MYCBP2: variants seen among roughly 807,000 people sequenced by gnomAD.
MYCBP2 encodes MYC binding protein 2.
In MYCBP2, 120 loss-of-function variants were observed where a neutral mutation model predicts 525.3. The ratio of observed to expected loss-of-function variants is 0.23; its 90% CI spans 0.20 to 0.27. The LOEUF (loss-of-function observed/expected upper bound fraction) is 0.27. Among genes scored for constraint, MYCBP2 ranks in the 10% least tolerant of loss-of-function variants. The probability of loss-of-function intolerance (pLI) is 1.00; values close to 1 mark genes in which losing one functional copy is unlikely to be tolerated. For missense variants in MYCBP2, 4,149 were observed against 5,657.1 expected (o/e 0.73, Z 8.55); for synonymous variants, 1,894 against 1,955.8 (o/e 0.97, Z 0.83).
intron 55 of MYCBP2, among the ~76,000 whole-genome samples, chr13:77,110,950 C>T (rs1007238409): frequency 1.3e-5 from 2 of 152,074 alleles, no homozygotes; most frequent in Non-Finnish European, 2.9e-5. Flanking sequence ...ATAACGGCTG[C>T]TGCTGATGCA....
At position 77,068,634 on chromosome 13, in the gene MYCBP2, A is replaced by G; in HGVS notation, c.12102T>C (p.Ala4034=). ...GATCCTGAAGCAGGGTTAGCTGTTG[A>G]GCCAGATATTGCCGGCCAACGTTAG... ...SGSNVGRQYL[A]QQLTLLQDLF... Residue 4034 remains alanine (A), a synonymous_variant, in exon 70 of 83, where the codon GCT becomes GCC. Coordinates refer to ENST00000544440, the MANE Select transcript of MYCBP2 (RefSeq NM_015057.5). The G allele has an allele frequency of 6.2e-7, 1 of 1,614,196 alleles. No homozygotes were observed. The highest frequency in any genetic ancestry group is 8.5e-7 in the Non-Finnish European group (1 of 1,180,030).
chr13:77,156,045 C>T lies in MYCBP2; in HGVS notation c.6915+13G>A, dbSNP rs1213979846. On this transcript the variant is annotated intron_variant, in intron 46 of 82. Transcript: ENST00000544440. ...TATATAGATGTCTGCTAATTTAATC[C>T]AGTTATAATTACCTTCATATTGGGA... 3.1e-6 allele frequency: 5 copies of T among 1,605,434 alleles called. No homozygotes were observed. The highest frequency in any genetic ancestry group is 4.3e-6 in the Non-Finnish European group (5 of 1,175,296).
chr13:77,192,677 G>GT (rs1254645895), intron 27 of MYCBP2, among the ~76,000 whole-genome samples: 2 of 152,168 alleles, frequency 1.3e-5, no homozygotes, highest in African/African-American at 4.8e-5. Flanking sequence ...AAGAGTAGTG[G>GT]TAGAAAGTCA....
chr13:77,167,297 TA>T (rs1431613436), intron 40 of MYCBP2, among the ~76,000 whole-genome samples: 3 of 152,130 alleles, frequency 2.0e-5, no homozygotes, highest in Non-Finnish European at 4.4e-5. Flanking sequence ...AAAAAATGGT[TA>T]GTTCCAAGTC....
intron 2 of MYCBP2, among the ~76,000 whole-genome samples, chr13:77,293,719 G>A (rs938715316): frequency 6.6e-6 from 1 of 152,048 alleles, no homozygotes; most frequent in Admixed American, 6.5e-5. Flanking sequence ...CAGTGATGCC[G>A]CATGAGAAAA....
intron 23 of MYCBP2, among the ~76,000 whole-genome samples, chr13:77,209,367 C>T (rs1295878577): frequency 6.6e-6 from 1 of 152,150 alleles, no homozygotes; most frequent in Non-Finnish European, 1.5e-5. Context: ...TTCCACACTG[C>T]CAATTTTTAT....
intron 82 of MYCBP2, 75 bp downstream of exon 82, chr13:77,050,922 G>C (rs967435215): frequency 7.7e-7 from 1 of 1,291,344 alleles, no homozygotes. Flanking sequence ...ACTTGAAACA[G>C]AGCTTTCATA....
chr13:77,188,908 A>C (rs1230939452), intron 30 of MYCBP2, 43 bp downstream of exon 30: 3 of 1,320,758 alleles, frequency 2.3e-6, no homozygotes, highest in Non-Finnish European at 3.2e-6. Flanking sequence ...AATGTATCTG[A>C]GGACTGAAGA....
chr13:77,088,868 G>A lies in MYCBP2; in HGVS notation c.10689C>T (p.Ala3563=), dbSNP rs746434809. The change falls in exon 61 of 83, where the codon GCC becomes GCT. Residue 3563 remains alanine, a synonymous_variant. Coordinates refer to ENST00000544440, the MANE Select transcript of MYCBP2 (RefSeq NM_015057.5). ...AAACTCGACAAGCAGATTTCCTTAGGGCCTGTTTCATTGCTATTTCAAGAC... is the reference window on the plus strand; with the variant it reads ...AAACTCGACAAGCAGATTTCCTTAGAGCCTGTTTCATTGCTATTTCAAGAC... ...LEGLEIAMKQ[A]LRKSACRVFA... is the part of the protein sequence containing the mutation. The A allele has an allele frequency of 1.9e-6, 3 of 1,612,458 alleles. No homozygotes were observed. In the East Asian group the frequency reaches 6.7e-5, roughly 36 times the overall value.
At chr13:77,258,278 A>AT (rs1325020391) in intron 13 of MYCBP2, among the ~76,000 whole-genome samples, 2 of 152,188 alleles carry the variant, frequency 1.3e-5, no homozygotes, top group Non-Finnish European at 2.9e-5. Flanking sequence ...TCAAAACAGT[A>AT]TTTTTTAATC....
rs137885458 is a variant in MYCBP2, at chr13:77,048,008, C to T, written c.13922-2515G>A. Among the ~76,000 whole-genome samples the T allele has an allele frequency of 7.2e-5, 11 of 152,206 alleles. No individual in the cohort carries two copies. The East Asian group carries it at 9.7e-4, about 13-fold the overall frequency. On this transcript the variant is annotated intron_variant, in intron 82 of 82. Coordinates refer to ENST00000544440, the MANE Select transcript of MYCBP2 (RefSeq NM_015057.5). ...CTAACCTCACCTTTGTATCTGTGCT[C>T]CTTAATCTTCTTGGAGGTAGGACAA...
At position 77,058,589 on chromosome 13, in the gene MYCBP2, G is replaced by A. The variant is rs577463226; in HGVS notation, c.13141-183C>T. Reference sequence around the variant, plus strand: ...AATATAAATTAGGCTTCTTAACAAAGTTTTTTTTTTTTGATGCGATTTTTA... The same window carrying A: ...AATATAAATTAGGCTTCTTAACAAAATTTTTTTTTTTTGATGCGATTTTTA... On this transcript the variant is annotated intron_variant, in intron 77 of 82. Transcript: ENST00000544440. The surrounding 1 kb of genome is among the most constrained non-coding windows in gnomAD (Gnocchi z 4.1). Among the ~76,000 whole-genome samples, 68 of 145,490 alleles carry A rather than the reference G, an allele frequency of 4.7e-4. No homozygotes were observed. Among genetic ancestry groups the A allele is most frequent in the African/African-American group, 1.5e-3 (59 of 39,878 alleles).
chr13:77,123,068 A>G (rs1324547690), intron 54 of MYCBP2, among the ~76,000 whole-genome samples: 1 of 152,188 alleles, frequency 6.6e-6, no homozygotes, highest in Non-Finnish European at 1.5e-5. Flanking sequence ...CCAATAGAGA[A>G]TTTTTACAAA....
At chr13:77,212,252 A>G (rs2064117438) in intron 21 of MYCBP2, 92 bp from the exon 22 acceptor site, 8 of 1,080,520 alleles carry the variant, frequency 7.4e-6, no homozygotes, top group Non-Finnish European at 1.0e-5. Context: ...AAATCAATCT[A>G]TGAAACCTTA....
chr13:77,090,086 T>C lies in MYCBP2; in HGVS notation c.10525+20A>G, dbSNP rs1566473688. On this transcript the variant is annotated intron_variant, in intron 60 of 82. Coordinates refer to ENST00000544440, the MANE Select transcript of MYCBP2 (RefSeq NM_015057.5). ...GTAGTAGTCAGATCACTCAATATTCTTTTTTATCCTCATACTTACCAGTGT... is the reference window on the plus strand; with the variant it reads ...GTAGTAGTCAGATCACTCAATATTCCTTTTTATCCTCATACTTACCAGTGT... The C allele has an allele frequency of 2.5e-6, 4 of 1,584,278 alleles. No individual in the cohort carries two copies. The highest frequency in any genetic ancestry group is 3.4e-6 in the Non-Finnish European group (4 of 1,166,766).
intron 46 of MYCBP2, among the ~76,000 whole-genome samples, chr13:77,152,763 C>T (rs138483052): frequency 0.012 from 1,816 of 152,220 alleles, 33 homozygotes; most frequent in African/African-American, 0.04. Flanking sequence ...GCCACTTCCA[C>T]CGTTTGATAA....
intron 17 of MYCBP2, among the ~76,000 whole-genome samples, chr13:77,238,067 C>T (rs1051592654): frequency 6.6e-6 from 1 of 151,796 alleles, no homozygotes; most frequent in African/African-American, 2.4e-5. Flanking sequence ...CAAAGTGAAA[C>T]CCCATCTCTA....
In MYCBP2 at chr13:77,158,123, A is replaced by T; in HGVS notation, c.6598-14T>A. The stretch of plus-strand genomic sequence containing the variant: ...GGTTTTGCACACCTGTTAAGTAAAA[A>T]AGAATATTTATATATTCTTAAAAAT... On this transcript the variant is annotated splice_polypyrimidine_tract_variant and intron_variant, in intron 44 of 82. Transcript: ENST00000544440. The T allele has an allele frequency of 6.6e-7, 1 of 1,510,056 alleles. No homozygotes were observed. The highest frequency in any genetic ancestry group is 8.9e-7 in the Non-Finnish European group (1 of 1,128,504). The allele number at this position is 1,510,056 out of a possible 1,614,324, so 93.5% of individuals were successfully genotyped here.
intron 1 of MYCBP2, among the ~76,000 whole-genome samples, chr13:77,301,805 T>C (rs1184565571): frequency 6.6e-6 from 1 of 152,128 alleles, no homozygotes; most frequent in Non-Finnish European, 1.5e-5. Flanking sequence ...ATGCAGAGAT[T>C]AACAATATGT....
Sources: gnomAD v4.1 joint callset for allele counts (sites outside exome capture counted in the v4.1 genomes callset) on GRCh38, gnomAD v4.1.1 for gene constraint, Gnocchi (gnomAD v3.1) non-coding constraint, MANE v1.5 for transcripts, NCBI Gene and HGNC (gene_info 2026-07-23, HGNC 2026-07-21) for gene names.